The following PRORP variants were observed in gnomAD, a reference collection of about 807,000 sequenced individuals.
PRORP encodes mitochondrial ribonuclease P catalytic subunit.
In PRORP, 51 loss-of-function variants were observed where a neutral mutation model predicts 59.4. That is an observed-to-expected ratio of 0.86 (90% CI 0.69 to 1.08). The LOEUF is 1.08. Among genes scored for constraint, PRORP ranks in the 50% least tolerant of loss-of-function variants. The probability of loss-of-function intolerance (pLI) is 0.00; values close to 1 mark genes in which losing one functional copy is unlikely to be tolerated. For synonymous variants in PRORP, 231 were observed against 245.6 expected (o/e 0.94, Z 0.55); for missense variants, 646 against 690.3 (o/e 0.94, Z 0.72).
At chr14:35,249,223 G>A (rs764036653) in intron 5 of PRORP, among the ~76,000 whole-genome samples, 1 of 152,024 alleles carries the variant, frequency 6.6e-6, no homozygotes, top group Non-Finnish European at 1.5e-5. Flanking sequence ...TCCCACCCAG[G>A]ACAATTAATT....
At chr14:35,215,507 G>A (rs1057246845) in intron 5 of PRORP, among the ~76,000 whole-genome samples, 1 of 152,042 alleles carries the variant, frequency 6.6e-6, no homozygotes, top group African/African-American at 2.4e-5. Flanking sequence ...TGTCAGATGT[G>A]GTGGCTCCCA....
At chr14:35,124,710 A>G (rs146226692) in intron 2 of PRORP, among the ~76,000 whole-genome samples, 97 of 147,252 alleles carry the variant, frequency 6.6e-4, no homozygotes, top group African/African-American at 2.4e-3. Flanking sequence ...GGCATCTAGT[A>G]TGATGTGAGT....
intron 2 of PRORP, among the ~76,000 whole-genome samples, chr14:35,126,090 G>A (rs1430280494): frequency 6.6e-6 from 1 of 152,156 alleles, no homozygotes. Context: ...GTAGATAGGA[G>A]AGGGATTAAG....
chr14:35,266,779 T>G lies in PRORP; in HGVS notation c.1328T>G (p.Leu443Arg). The G allele has an allele frequency of 6.2e-7, 1 of 1,614,158 alleles. No homozygotes were observed. The highest frequency in any genetic ancestry group is 1.6e-4 in the Middle Eastern group (1 of 6,062). Residue 443 changes from leucine (L) to arginine (R), a missense_variant, in exon 6 of 8, where the codon CTA becomes CGA. Coordinates refer to ENST00000534898, the MANE Select transcript of PRORP (RefSeq NM_014672.4). ...AAACGGAATCTGCGACTGCTGGTCC[T>G]AGGCCGGAAGCACATGCTAAGACGG... Reference protein sequence around the residue: ...LAKRNLRLLVLGRKHMLRRSS... With the variant: ...LAKRNLRLLVRGRKHMLRRSS...
intron 5 of PRORP, among the ~76,000 whole-genome samples, chr14:35,184,428 C>T (rs2048693770): frequency 6.6e-6 from 1 of 152,100 alleles, no homozygotes; most frequent in African/African-American, 2.4e-5. Context: ...TGGGTGTGTA[C>T]AGAATTAGCT....
chr14:35,264,997 A>T (rs914215863), intron 5 of PRORP, among the ~76,000 whole-genome samples: 11 of 152,206 alleles, frequency 7.2e-5, no homozygotes, highest in African/African-American at 2.4e-4. Flanking sequence ...TCAAAAATAA[A>T]AAATAAATAA....
At chr14:35,251,557 TTTTG>T (rs766611810) in intron 5 of PRORP, among the ~76,000 whole-genome samples, 200 of 151,984 alleles carry the variant, frequency 1.3e-3, no homozygotes, top group African/African-American at 4.1e-3. Context: ...TATTTTTGGG[TTTTG>T]TTTGTTTGTT....
chr14:35,138,464 C>G (rs1463886531), intron 4 of PRORP, among the ~76,000 whole-genome samples: 1 of 145,136 alleles, frequency 6.9e-6, no homozygotes, highest in Non-Finnish European at 1.5e-5. Context: ...ATAGCTGGAT[C>G]TGCCTTCAAT....
At chr14:35,168,752 A>T (rs771719230) in intron 4 of PRORP, among the ~76,000 whole-genome samples, 3 of 152,164 alleles carry the variant, frequency 2.0e-5, no homozygotes, top group Non-Finnish European at 4.4e-5. Flanking sequence ...AGGGCATTGT[A>T]TCAAGGACCC....
At chr14:35,183,225 C>T (rs1433295687) in intron 5 of PRORP, among the ~76,000 whole-genome samples, 1 of 151,652 alleles carries the variant, frequency 6.6e-6, no homozygotes. Context: ...CATACATACA[C>T]ACACACACAC....
upstream of PRORP, chr14:35,121,914 T>C: frequency 6.2e-7 from 1 of 1,613,906 alleles, no homozygotes; most frequent in East Asian, 2.2e-5. Context: ...TTTGGACAGG[T>C]GTTGGGCGTC....
rs540642690 is a variant in PRORP, at chr14:35,239,802, C to T, written c.1276-26925C>T. 2.4e-4 allele frequency among the ~76,000 whole-genome samples: 36 copies of T among 152,232 alleles called. 1 individual carries two copies. Among genetic ancestry groups the T allele is most frequent in the Admixed American group, 9.8e-4 (15 of 15,294 alleles). On this transcript the variant is annotated intron_variant, in intron 5 of 7. Coordinates refer to ENST00000534898, the MANE Select transcript of PRORP (RefSeq NM_014672.4). ...ATAAATTAGAAAAGTTGGCTGGGCA[C>T]GGTGCCCCATGCTTGTAATCCCAGC...
chr14:35,228,300 A>T (rs1369525843), intron 5 of PRORP, among the ~76,000 whole-genome samples: 1 of 152,226 alleles, frequency 6.6e-6, no homozygotes, highest in Non-Finnish European at 1.5e-5. Flanking sequence ...GAGTTAAAAA[A>T]ATAATTTCAA....
rs370175570 is a variant in PRORP at position 35,229,092 on chromosome 14, T to G, written c.1276-37635T>G. Among the ~76,000 whole-genome samples the G allele has an allele frequency of 4.0e-4, 61 of 152,354 alleles. No homozygotes were observed. The South Asian group carries it at 0.012, about 29-fold the overall frequency. Reference sequence around the variant, plus strand: ...GTTTGTTGTCCACTTGTATGTCTTCTTTTGAGAAGTGTCTATTCATGTCTT... The same window carrying G: ...GTTTGTTGTCCACTTGTATGTCTTCGTTTGAGAAGTGTCTATTCATGTCTT... On this transcript the variant is annotated intron_variant, in intron 5 of 7. Transcript: ENST00000534898.
intron 4 of PRORP, among the ~76,000 whole-genome samples, chr14:35,168,188 T>C (rs1213314838): frequency 6.6e-6 from 1 of 152,238 alleles, no homozygotes; most frequent in Non-Finnish European, 1.5e-5. Context: ...AAGAAACTGC[T>C]GAATTATTTT....
At chr14:35,166,150 C>A (rs980834844) in intron 4 of PRORP, among the ~76,000 whole-genome samples, 5 of 151,980 alleles carry the variant, frequency 3.3e-5, no homozygotes, top group Admixed American at 2.0e-4. Flanking sequence ...CATTCTTTTT[C>A]TTCTTTTCTT....
intron 4 of PRORP, among the ~76,000 whole-genome samples, chr14:35,131,233 A>G (rs1385985212): frequency 6.6e-6 from 1 of 152,038 alleles, no homozygotes; most frequent in Non-Finnish European, 1.5e-5. Flanking sequence ...ATGAGCCACC[A>G]CAGCTGGCCA....
At chr14:35,214,196 C>G (rs2049526472) in intron 5 of PRORP, among the ~76,000 whole-genome samples, 1 of 152,118 alleles carries the variant, frequency 6.6e-6, no homozygotes, top group Non-Finnish European at 1.5e-5. Context: ...AAGGGTACTT[C>G]TCAGATCTAG....
chr14:35,161,357 G>A (rs756359993), intron 4 of PRORP, among the ~76,000 whole-genome samples: 1 of 152,136 alleles, frequency 6.6e-6, no homozygotes, highest in African/African-American at 2.4e-5. Context: ...CGATTTGATC[G>A]GTGAAGGGGC....
Sources: allele counts gnomAD v4.1 joint callset (sites outside exome capture counted in the v4.1 genomes callset), GRCh38; gene constraint gnomAD v4.1.1; transcripts MANE v1.5; gene names NCBI Gene and HGNC (gene_info 2026-07-23, HGNC 2026-07-21).